The following LNX2 variants were observed in gnomAD, a reference collection of about 807,000 sequenced individuals.
LNX2 encodes ligand of Numb protein X 2.
A neutral mutation model predicts 66.2 loss-of-function variants in LNX2; 35 were observed. The ratio of observed to expected loss-of-function variants is 0.53; its 90% CI spans 0.40 to 0.70. The LOEUF (loss-of-function observed/expected upper bound fraction) is 0.70. LNX2 is among the 30% of genes least tolerant of loss of function. LNX2 has a pLI of 0.00. For missense variants in LNX2, 791 were observed against 850.8 expected (o/e 0.93, Z 0.87); for synonymous variants, 337 against 315.6 (o/e 1.07, Z -0.72).
intron 3 of LNX2, among the ~76,000 whole-genome samples, chr13:27,568,673 T>A (rs1273514643): frequency 6.6e-6 from 1 of 152,214 alleles, no homozygotes; most frequent in Non-Finnish European, 1.5e-5. Context: ...AGCATTTAAT[T>A]GTGTTGTTCT....
chr13:27,562,518 C>A lies in LNX2; in HGVS notation c.1119G>T (p.Gly373=), dbSNP rs544785681. 9 of 1,614,038 alleles carry A rather than the reference C, an allele frequency of 5.6e-6. No homozygotes were observed. The African/African-American group carries it at 8.0e-5, about 14-fold the overall frequency. ...TTAGCCTGCCGTCCTGGGCAGCCAA[C>A]CCCCCTTCCAACAGGTCAAGAATAA... ...GVFILDLLEG[G]LAAQDGRLSS... The change falls in exon 5 of 10, where the codon GGG becomes GGT. Residue 373 remains glycine, a synonymous_variant. Transcript: ENST00000316334.
At chr13:27,585,383 C>T (rs1427709320) in intron 1 of LNX2, among the ~76,000 whole-genome samples, 2 of 151,734 alleles carry the variant, frequency 1.3e-5, no homozygotes, top group East Asian at 1.9e-4. Context: ...GATCGCACCA[C>T]TGCACTGCAG....
At chr13:27,559,518 T>C (rs1955102749) in intron 6 of LNX2, among the ~76,000 whole-genome samples, 1 of 152,156 alleles carries the variant, frequency 6.6e-6, no homozygotes, top group Non-Finnish European at 1.5e-5. Flanking sequence ...CAACCCAAGA[T>C]AAATTCCACT....
intron 2 of LNX2, among the ~76,000 whole-genome samples, chr13:27,580,233 C>G (rs1955382590): frequency 6.6e-6 from 1 of 152,128 alleles, no homozygotes; most frequent in Admixed American, 6.5e-5. Context: ...TAAACAAGAA[C>G]AGTAAAGCTT....
chr13:27,587,749 C>A (rs528294063), intron 1 of LNX2, among the ~76,000 whole-genome samples: 1 of 151,684 alleles, frequency 6.6e-6, no homozygotes, highest in African/African-American at 2.4e-5. Context: ...TCGCCAGGCG[C>A]GGTGGCTCAC....
At chr13:27,552,410 T>A (rs1955017205) in intron 8 of LNX2, among the ~76,000 whole-genome samples, 1 of 152,250 alleles carries the variant, frequency 6.6e-6, no homozygotes, top group Non-Finnish European at 1.5e-5. Flanking sequence ...ACGAGTCAGG[T>A]GGCTCAGAAA....
intron 2 of LNX2, among the ~76,000 whole-genome samples, chr13:27,573,266 G>A (rs1393517785): frequency 6.6e-6 from 1 of 152,108 alleles, no homozygotes; most frequent in Admixed American, 6.5e-5. Flanking sequence ...TATTCCCAGA[G>A]ATCTGTTATT....
chr13:27,548,294 TA>T lies in LNX2; in HGVS notation c.*40del. On this transcript the variant is annotated 3_prime_UTR_variant, in exon 10 of 10. Transcript: ENST00000316334. Reference sequence around the variant, plus strand: ...ACCAAAGGGTTTTCTTTCAAAAATCTAAAAAAGGAAGATGCAAGATTTGAAA... The same window carrying T: ...ACCAAAGGGTTTTCTTTCAAAAATCTAAAAAGGAAGATGCAAGATTTGAAA... 6.3e-7 allele frequency: 1 copy of T among 1,587,512 alleles called. No individual in the cohort carries two copies. The highest frequency in any genetic ancestry group is 8.6e-7 in the Non-Finnish European group (1 of 1,165,368).
chr13:27,610,172 G>C (rs1376002376), intron 1 of LNX2, among the ~76,000 whole-genome samples: 1 of 152,192 alleles, frequency 6.6e-6, no homozygotes, highest in Non-Finnish European at 1.5e-5. Flanking sequence ...TAGTAGCAGA[G>C]GCACAGGATA....
chr13:27,583,232 G>C lies in LNX2; in HGVS notation c.-100-1429C>G, dbSNP rs1178623147. On this transcript the variant is annotated intron_variant, in intron 1 of 9. Coordinates refer to ENST00000316334, the MANE Select transcript of LNX2 (RefSeq NM_153371.4). ...TGTGTGTGTGTGTGTGTGTGTGTGT[G>C]TGTGTGTGTGTGTGTGTGTGTGTGC... 1.3e-4 allele frequency among the ~76,000 whole-genome samples: 3 copies of C among 23,182 alleles called. 1 individual carries two copies. The highest frequency in any genetic ancestry group is 6.0e-4 in the African/African-American group (2 of 3,336). 15.2% of individuals were successfully genotyped at this position (23,182 alleles called of 152,430 possible). A position where few individuals can be genotyped will look rare whatever the true frequency, so the allele number is the denominator to read the frequency against.
intron 8 of LNX2, among the ~76,000 whole-genome samples, chr13:27,551,616 A>G (rs1354655336): frequency 2.0e-5 from 3 of 150,774 alleles, no homozygotes; most frequent in Non-Finnish European, 4.4e-5. Context: ...AATAATAAAT[A>G]TACATAATAT....
At chr13:27,603,352 G>A (rs1200897769) in intron 1 of LNX2, among the ~76,000 whole-genome samples, 1 of 152,084 alleles carries the variant, frequency 6.6e-6, no homozygotes, top group African/African-American at 2.4e-5. Flanking sequence ...GTTCTGGGGG[G>A]ACCAAGAATG....
intron 1 of LNX2, among the ~76,000 whole-genome samples, chr13:27,613,450 C>T (rs917379143): frequency 2.6e-5 from 4 of 152,062 alleles, no homozygotes; most frequent in African/African-American, 9.7e-5. Flanking sequence ...TTTAGGGAAA[C>T]GACAAGATGC....
intron 7 of LNX2, among the ~76,000 whole-genome samples, chr13:27,555,662 G>A (rs868155987): frequency 8.5e-5 from 13 of 152,116 alleles, no homozygotes; most frequent in African/African-American, 2.9e-4. Context: ...TATGGTGTGA[G>A]GTAGGGGTTC....
At chr13:27,617,966 G>A (rs1416191401) in intron 1 of LNX2, among the ~76,000 whole-genome samples, 1 of 152,220 alleles carries the variant, frequency 6.6e-6, no homozygotes, top group Non-Finnish European at 1.5e-5. Context: ...CCCTGCCAAA[G>A]GCATTACATG....
intron 1 of LNX2, among the ~76,000 whole-genome samples, chr13:27,587,579 C>T (rs1389481032): frequency 6.6e-6 from 1 of 152,062 alleles, no homozygotes; most frequent in Admixed American, 6.5e-5. Flanking sequence ...GAACCCAGCC[C>T]GTTAATTTAC....
intron 1 of LNX2, among the ~76,000 whole-genome samples, chr13:27,614,722 G>T (rs1955808624): frequency 6.6e-6 from 1 of 152,154 alleles, no homozygotes; most frequent in Non-Finnish European, 1.5e-5. Flanking sequence ...TTAAGTAAAG[G>T]TCTCCAATTT....
At chr13:27,604,496 A>G (rs538314368) in intron 1 of LNX2, among the ~76,000 whole-genome samples, 7 of 152,258 alleles carry the variant, frequency 4.6e-5, no homozygotes, top group Non-Finnish European at 8.8e-5. Context: ...TTAATCCACC[A>G]TAAGTTTCAC....
chr13:27,581,818 C>G lies in LNX2; in HGVS notation c.-100-15G>C. 3 of 740,158 alleles carry G rather than the reference C, an allele frequency of 4.1e-6. No homozygotes were observed. Among genetic ancestry groups the G allele is most frequent in the Non-Finnish European group, 6.4e-6 (3 of 466,332 alleles). 45.8% of individuals were successfully genotyped at this position (740,158 alleles called of 1,614,324 possible). On this transcript the variant is annotated splice_polypyrimidine_tract_variant and intron_variant, in intron 1 of 9. Coordinates refer to ENST00000316334, the MANE Select transcript of LNX2 (RefSeq NM_153371.4). Reference sequence around the variant, plus strand: ...GGTGTGTTTTTCTAGATAAGCAAAACAAACACATTAAAAAAGGTAATTAAT... The same window carrying G: ...GGTGTGTTTTTCTAGATAAGCAAAAGAAACACATTAAAAAAGGTAATTAAT...
Sources: allele counts gnomAD v4.1 joint callset (sites outside exome capture counted in the v4.1 genomes callset), GRCh38; gene constraint gnomAD v4.1.1; transcripts MANE v1.5; gene names NCBI Gene and HGNC (gene_info 2026-07-23, HGNC 2026-07-21).